The following EXOC1 variants were observed in gnomAD, a reference collection of about 807,000 sequenced individuals.
The protein encoded by EXOC1 is exocyst complex component 1.
Under a neutral mutation model 107.7 loss-of-function variants are expected in EXOC1, and 67 were observed. The ratio of observed to expected loss-of-function variants is 0.62; its 90% CI spans 0.51 to 0.76. EXOC1 has a LOEUF of 0.76. EXOC1 is among the 30% of genes least tolerant of loss of function. EXOC1 has a pLI of 0.00. For synonymous variants in EXOC1, 348 were observed against 353.5 expected (o/e 0.98, Z 0.17); for missense variants, 833 against 1,055.7 (o/e 0.79, Z 2.92).
chr4:55,877,287 A>T, intron 8 of EXOC1: 3 of 985,340 alleles, frequency 3.0e-6, no homozygotes, highest in Non-Finnish European at 3.6e-6. Context: ...CTGACAAATA[A>T]CTTCTGGCTA....
intron 8 of EXOC1, chr4:55,877,440 A>C: frequency 3.0e-6 from 3 of 985,352 alleles, no homozygotes; most frequent in Non-Finnish European, 2.4e-6. Context: ...TTCCAATTCC[A>C]AGCTCTAAGA....
At chr4:55,871,282 G>A in intron 7 of EXOC1, 49 bp downstream of exon 7, 1 of 1,572,258 alleles carries the variant, frequency 6.4e-7, no homozygotes, top group South Asian at 1.2e-5. Flanking sequence ...GTGAGACTAA[G>A]CCTGTAACTT....
chr4:55,861,730 G>A (rs933774383), intron 3 of EXOC1, among the ~76,000 whole-genome samples: 7 of 152,236 alleles, frequency 4.6e-5, no homozygotes, highest in African/African-American at 1.4e-4. Context: ...GAAAGCTAGA[G>A]ATTGGAAAGA....
At chr4:55,895,614 AATGTT>A (rs1169025963) in intron 15 of EXOC1, among the ~76,000 whole-genome samples, 1 of 152,202 alleles carries the variant, frequency 6.6e-6, no homozygotes, top group African/African-American at 2.4e-5. Context: ...AACACAATGA[AATGTT>A]AGGTAGAAGC....
rs148191128 is a variant in EXOC1, at chr4:55,871,858, T to A, written c.974T>A (p.Leu325Ter). ...MNVALRPGHD[L>*]LLAVKQQQQR... ...TGTCGTTCTGTGTCAGGCCATGACT[T>A]GCTTCTGGCAGTCAAACAGCAACAG... Residue 325 changes from leucine (L) to a stop codon, truncating the protein, a stop_gained, in exon 8 of 19, where the codon TTG becomes TAG. Coordinates refer to ENST00000381295, the MANE Select transcript of EXOC1 (RefSeq NM_001024924.2). LOFTEE classifies it high-confidence loss of function. The A allele has an allele frequency of 6.2e-7, 1 of 1,613,782 alleles. No individual in the cohort carries two copies. Among genetic ancestry groups the A allele is most frequent in the South Asian group, 1.1e-5 (1 of 91,060 alleles).
At position 55,883,879 on chromosome 4, in the gene EXOC1, A is replaced by C. The variant is rs1200102772; in HGVS notation, c.1281A>C (p.Glu427Asp). ...AAAGAGAAATCAAAGATTTCTTTGA[A>C]GTTGCAAAGATCAAGATGACTGGCA... ...LYEREIKDFF[E>D]VAKIKMTGTT... The change falls in exon 10 of 19, where the codon GAA (glutamate) becomes GAC (aspartate). Residue 427 changes from glutamate (E) to aspartate (D), a missense_variant. Physicochemically the swap from Glu to Asp is conservative, Grantham distance 45 (BLOSUM62 2). Transcript: ENST00000381295. 6.2e-7 allele frequency: 1 copy of C among 1,607,748 alleles called. No individual in the cohort carries two copies.
intron 9 of EXOC1, 23 bp downstream of exon 9, chr4:55,878,089 T>G: frequency 6.2e-7 from 1 of 1,607,834 alleles, no homozygotes; most frequent in Non-Finnish European, 8.5e-7. Flanking sequence ...CGTCATTTAC[T>G]CACTGAGAAT....
chr4:55,904,576 T>C lies in EXOC1; in HGVS notation c.*81T>C. On this transcript the variant is annotated 3_prime_UTR_variant, in exon 19 of 19. Transcript: ENST00000381295. ...ATACCAAAATACCAAGCAACTGTTT[T>C]GAGAACCCAGACTTAAAATTTTATG... 3.6e-6 allele frequency: 5 copies of C among 1,399,214 alleles called. No homozygotes were observed. The highest frequency in any genetic ancestry group is 4.8e-6 in the Non-Finnish European group (5 of 1,047,352). The allele number at this position is 1,399,214 out of a possible 1,614,324, so 86.7% of individuals were successfully genotyped here.
At chr4:55,875,538 C>G in intron 8 of EXOC1, 1 of 978,252 alleles carries the variant, frequency 1.0e-6, no homozygotes, top group Non-Finnish European at 1.2e-6. Flanking sequence ...AATCCTGACT[C>G]TCCTACCTCC....
chr4:55,898,123 T>C (rs2109495175), intron 16 of EXOC1, among the ~76,000 whole-genome samples: 1 of 152,080 alleles, frequency 6.6e-6, no homozygotes, highest in East Asian at 1.9e-4. Context: ...CCAGACGTGG[T>C]GGTGTGTCCC....
chr4:55,860,594 T>C, intron 3 of EXOC1, 53 bp downstream of exon 3: 1 of 1,597,538 alleles, frequency 6.3e-7, no homozygotes, highest in Non-Finnish European at 8.6e-7. Context: ...TTTCATTTTA[T>C]AACATGGTAT....
Position 55,869,008 on chromosome 4 carries a change from T to G in EXOC1, c.603+485T>G, listed in dbSNP as rs1343967771. ...AGAGCCAGAGAAAAAGATCTGTGAC[T>G]TCTTTGCTAAAATGTTTTAGAATAG... is the stretch of plus-strand genomic sequence containing the variant. On this transcript the variant is annotated intron_variant, in intron 5 of 18. Transcript: ENST00000381295. Among the ~76,000 whole-genome samples the G allele has an allele frequency of 2.0e-5, 3 of 152,206 alleles. No homozygotes were observed. The East Asian group carries it at 5.8e-4, about 29-fold the overall frequency.
chr4:55,855,619 G>C (rs972158075), intron 1 of EXOC1, among the ~76,000 whole-genome samples: 2 of 152,196 alleles, frequency 1.3e-5, no homozygotes, highest in African/African-American at 4.8e-5. Flanking sequence ...AAGTGTTAGA[G>C]AGGTAGAAAT....
chr4:55,865,296 T>C (rs1355195930), intron 4 of EXOC1, among the ~76,000 whole-genome samples: 1 of 152,212 alleles, frequency 6.6e-6, no homozygotes, highest in East Asian at 1.9e-4. Flanking sequence ...TCTCTACTTT[T>C]AAAATTTCTT....
chr4:55,891,841 CT>C (rs1724588182), intron 13 of EXOC1, among the ~76,000 whole-genome samples: 1 of 152,098 alleles, frequency 6.6e-6, no homozygotes, highest in Non-Finnish European at 1.5e-5. Flanking sequence ...AAAATGAGGC[CT>C]CAGATTTGCC....
At chr4:55,857,108 A>G (rs1273995886) in intron 1 of EXOC1, among the ~76,000 whole-genome samples, 4 of 150,048 alleles carry the variant, frequency 2.7e-5, no homozygotes, top group Admixed American at 2.7e-4. Context: ...TTCACTTAGC[A>G]TAATCTTTTC....
Position 55,876,830 on chromosome 4 carries a change from A to G in EXOC1, c.1075-1087A>G, listed in dbSNP as rs182597646. 199 of 984,656 alleles carry G rather than the reference A, an allele frequency of 2.0e-4. No homozygotes were observed. In the African/African-American group the frequency reaches 3.3e-3, roughly 16 times the overall value. The allele number at this position is 984,656 out of a possible 1,614,324, so 61.0% of individuals were successfully genotyped here. ...GGGTCCTTTTTTCTTTTTAATTTCCATTTTAAATTGGGATATATTCTCACA... is the reference window on the plus strand; with the variant it reads ...GGGTCCTTTTTTCTTTTTAATTTCCGTTTTAAATTGGGATATATTCTCACA... On this transcript the variant is annotated intron_variant, in intron 8 of 18. Transcript: ENST00000381295.
intron 3 of EXOC1, among the ~76,000 whole-genome samples, chr4:55,863,311 A>G (rs1473266038): frequency 6.6e-6 from 1 of 152,108 alleles, no homozygotes; most frequent in Non-Finnish European, 1.5e-5. Context: ...CTATAGTGTA[A>G]TTCTCTCAGA....
intron 18 of EXOC1, among the ~76,000 whole-genome samples, chr4:55,903,904 A>G (rs1011517327): frequency 6.6e-6 from 1 of 152,130 alleles, no homozygotes; most frequent in Non-Finnish European, 1.5e-5. Context: ...AAAACTTTAA[A>G]TGTTATAGGA....
Sources: gnomAD v4.1 joint callset for allele counts (sites outside exome capture counted in the v4.1 genomes callset) on GRCh38, gnomAD v4.1.1 for gene constraint, MANE v1.5 for transcripts, NCBI Gene and HGNC (gene_info 2026-07-23, HGNC 2026-07-21) for gene names.